DHX34: variants seen among roughly 807,000 people sequenced by gnomAD.
The protein encoded by DHX34 is DExH-box helicase 34.
Under a neutral mutation model 111.1 loss-of-function variants are expected in DHX34, and 96 were observed. The ratio of observed to expected loss-of-function variants is 0.86; its 90% CI spans 0.73 to 1.02. The LOEUF (loss-of-function observed/expected upper bound fraction) is 1.02, where lower values mean the gene tolerates loss of function less well. DHX34 is among the 50% of genes least tolerant of loss of function. The probability of loss-of-function intolerance (pLI) is 0.00; values close to 1 mark genes in which losing one functional copy is unlikely to be tolerated. For synonymous variants in DHX34, 688 were observed against 670.4 expected (o/e 1.03, Z -0.41); for missense variants, 1,560 against 1,579.9 (o/e 0.99, Z 0.21).
chr19:47,375,556 C>G lies in DHX34; in HGVS notation c.2155C>G (p.Arg719Gly), dbSNP rs1379966329. 6.5e-7 allele frequency: 1 copy of G among 1,549,858 alleles called. No homozygotes were observed. The highest frequency in any genetic ancestry group is 8.7e-7 in the Non-Finnish European group (1 of 1,152,408). Residue 719 changes from arginine to glycine, a missense_variant, in exon 10 of 17, where the codon CGG (arginine) becomes GGG (glycine). Transcript: ENST00000328771. The stretch of plus-strand genomic sequence containing the variant: ...TCGGTTGCAGCAGCGCCGGGAGCGC[C>G]GGGCCCTGCACCAGCTGAAACGCCA... ...YSRLQQRRERRALHQLKRQHE... is the reference protein window; with the variant it reads ...YSRLQQRRERGALHQLKRQHE...
Position 47,373,664 on chromosome 19 carries a change from AC to A in DHX34, c.2029del (p.Leu677CysfsTer29). 2 of 1,614,014 alleles carry A rather than the reference AC, an allele frequency of 1.2e-6. No individual in the cohort carries two copies. The highest frequency in any genetic ancestry group is 2.2e-5 in the South Asian group (2 of 91,082). Reference protein sequence around the residue: ...CRRRGIEEHRLYEMANLRRQF... With the variant: ...CRRRGIEEHRXYEMANLRRQF... ...GCCGCCGGGGCATAGAGGAGCATCG[AC>A]TGTACGAAATGGCCAACCTTCGGCG... On this transcript the variant is annotated frameshift_variant, in exon 9 of 17. Transcript: ENST00000328771. LOFTEE classifies it high-confidence loss of function.
chr19:47,377,963 G>C (rs1054594108), intron 13 of DHX34, among the ~76,000 whole-genome samples: 1 of 152,102 alleles, frequency 6.6e-6, no homozygotes, highest in East Asian at 1.9e-4. Flanking sequence ...GCCTGGCCTC[G>C]GAGTCCTCAC....
rs954062121 is a variant in DHX34, at chr19:47,353,187, G to T, written c.157G>T (p.Gly53Cys). 4 of 1,614,194 alleles carry T rather than the reference G, an allele frequency of 2.5e-6. No individual in the cohort carries two copies. The highest frequency in any genetic ancestry group is 3.3e-5 in the Admixed American group (2 of 60,002). ...FFREEDYIRQ[G>C]SEECQKFWTF... ...CCGTGAAGAGGATTACATCCGTCAG[G>T]GTTCTGAGGAATGTCAGAAGTTTTG... Residue 53 changes from glycine to cysteine, a missense_variant, in exon 2 of 17, where the codon GGT becomes TGT. Coordinates refer to ENST00000328771, the MANE Select transcript of DHX34 (RefSeq NM_014681.6). The surrounding 1 kb of genome is among the most constrained non-coding windows in gnomAD (Gnocchi z 4.6).
intron 12 of DHX34, 85 bp downstream of exon 12, chr19:47,376,645 GC>G: frequency 2.0e-6 from 3 of 1,505,260 alleles, no homozygotes; most frequent in South Asian, 1.3e-5. Context: ...TCTGGCTGGG[GC>G]TCCCACACCG....
intron 6 of DHX34, among the ~76,000 whole-genome samples, chr19:47,364,800 G>A (rs772072202): frequency 6.6e-6 from 1 of 152,114 alleles, no homozygotes; most frequent in South Asian, 2.1e-4. Context: ...GAAGAAGGAT[G>A]CAGAGAGAGA....
chr19:47,375,767 G>A, intron 10 of DHX34, 59 bp downstream of exon 10: 16 of 1,364,674 alleles, frequency 1.2e-5, no homozygotes, highest in Admixed American at 5.7e-5. Flanking sequence ...GGCCTCTCCT[G>A]GGGGGGTCCC....
rs200925941 is a variant in DHX34 at position 47,362,504 on chromosome 19, G to A, written c.1404G>A (p.Pro468=). The change falls in exon 6 of 17, where the codon CCG becomes CCA. Residue 468 remains proline (P), a synonymous_variant. Transcript: ENST00000328771. ...AGGTGAAGGAGATGAGCTACGATCCGCAGGCCAAGCTGCAACGGCTGCAGG... is the reference window on the plus strand; with the variant it reads ...AGGTGAAGGAGATGAGCTACGATCCACAGGCCAAGCTGCAACGGCTGCAGG... The part of the protein sequence containing the change: ...SGKVKEMSYD[P]QAKLQRLQEF... 5.8e-5 allele frequency: 92 copies of A among 1,599,752 alleles called. No homozygotes were observed. The East Asian group carries it at 7.5e-4, about 13-fold the overall frequency.
chr19:47,379,916 G>T lies in DHX34; in HGVS notation c.2913G>T (p.Glu971Asp). The T allele has an allele frequency of 1.9e-6, 3 of 1,612,250 alleles. No homozygotes were observed. The highest frequency in any genetic ancestry group is 2.5e-6 in the Non-Finnish European group (3 of 1,178,636). Reference protein sequence around the residue: ...QAQQQLEEEEEDTPVSPKEVA... With the variant: ...QAQQQLEEEEDDTPVSPKEVA... ...AGCAGCAGCTGGAGGAGGAGGAGGA[G>T]GATACGCCAGTCAGCCCCAAGGAGG... The change falls in exon 14 of 17, where the codon GAG becomes GAT. Residue 971 changes from glutamate to aspartate, a missense_variant. Physicochemically the swap from Glu to Asp is conservative, Grantham distance 45 (BLOSUM62 2). Transcript: ENST00000328771.
chr19:47,367,612 C>T (rs1969830846), intron 7 of DHX34, among the ~76,000 whole-genome samples: 1 of 152,004 alleles, frequency 6.6e-6, no homozygotes, highest in African/African-American at 2.4e-5. Flanking sequence ...GAAACATGGC[C>T]GGCACAGTGG....
At chr19:47,355,380 C>T (rs1969428395) in intron 3 of DHX34, 30 bp downstream of exon 3, 1 of 1,599,562 alleles carries the variant, frequency 6.3e-7, no homozygotes, top group Non-Finnish European at 8.6e-7. Context: ...CCCACATCCC[C>T]AGACCTCCAA....
In DHX34 at chr19:47,353,252, G is replaced by T. The variant is rs139215111; in HGVS notation, c.222G>T (p.Lys74Asn). 6.2e-6 allele frequency: 10 copies of T among 1,614,170 alleles called. No individual in the cohort carries two copies. Among genetic ancestry groups the T allele is most frequent in the Non-Finnish European group, 6.8e-6 (8 of 1,180,028 alleles). Residue 74 changes from lysine to asparagine, a missense_variant, in exon 2 of 17, where the codon AAG becomes AAT. By Grantham distance (94) the Lys-to-Asn change is moderately conservative. Coordinates refer to ENST00000328771, the MANE Select transcript of DHX34 (RefSeq NM_014681.6). This position sits in a 1 kb window ranked among gnomAD's most constrained non-coding sequence, Gnocchi z 4.6. ...FERLQRFQNL[K>N]TSRKEEKDPG... The stretch of plus-strand genomic sequence containing the variant: ...GCCTGCAGAGATTCCAGAATCTCAA[G>T]ACCTCCAGGAAGGAGGAGAAAGACC...
rs777759620 is a variant in DHX34, at chr19:47,382,045, G to A, written c.3364G>A (p.Glu1122Lys). ...TGTCCTGCAGAGGCCCTACCACTGC[G>A]AGGCCTGCGGGAAGGACTTCCTCTT... ...TSVLQRPYHC[E>K]ACGKDFLFTP... Residue 1122 changes from glutamate (E) to lysine (K), a missense_variant, in exon 17 of 17, where the codon GAG becomes AAG. Transcript: ENST00000328771. The A allele has an allele frequency of 6.2e-6, 10 of 1,614,148 alleles. No individual in the cohort carries two copies. Among genetic ancestry groups the A allele is most frequent in the Admixed American group, 5.0e-5 (3 of 60,014 alleles).
In DHX34 at chr19:47,355,335, G is replaced by A; in HGVS notation, c.1002G>A (p.Arg334=). 6.2e-7 allele frequency: 1 copy of A among 1,613,064 alleles called. No homozygotes were observed. The highest frequency in any genetic ancestry group is 8.5e-7 in the Non-Finnish European group (1 of 1,179,090). The part of the protein sequence containing the change: ...SNAPVVQVPG[R]LFPITVVYQP... Reference sequence around the variant, plus strand: ...CCCCTGTGGTACAGGTGCCTGGGAGGCTGTTCCCCATCACGGTGAGTACTT... The same window carrying A: ...CCCCTGTGGTACAGGTGCCTGGGAGACTGTTCCCCATCACGGTGAGTACTT... Residue 334 remains arginine, a synonymous_variant, in exon 3 of 17, where the codon AGG becomes AGA. Transcript: ENST00000328771.
At position 47,375,752 on chromosome 19, in the gene DHX34, G is replaced by C. The variant is rs1970129280; in HGVS notation, c.2307+44G>C. The C allele has an allele frequency of 2.6e-6, 4 of 1,558,326 alleles. No individual in the cohort carries two copies. The East Asian group carries it at 9.3e-5, about 36-fold the overall frequency. On this transcript the variant is annotated intron_variant, in intron 10 of 16. Coordinates refer to ENST00000328771, the MANE Select transcript of DHX34 (RefSeq NM_014681.6). ...GGGGTGTGGGGGTTTACCAAGGTGGGCCTTGGCCTCTCCTGGGGGGGTCCC... is the reference window on the plus strand; with the variant it reads ...GGGGTGTGGGGGTTTACCAAGGTGGCCCTTGGCCTCTCCTGGGGGGGTCCC...
At chr19:47,362,267 C>CAA (rs4039582) in intron 5 of DHX34, 17,918 of 263,458 alleles carry the variant, frequency 0.068, 2,290 homozygotes, top group African/African-American at 0.45. Context: ...GACCCTGTCT[C>CAA]AAAAAAAAAA....
rs1568409462 is a variant in DHX34 at position 47,380,933 on chromosome 19, C to T, written c.3100C>T (p.Pro1034Ser). 1 of 1,608,610 alleles carries T rather than the reference C, an allele frequency of 6.2e-7. No individual in the cohort carries two copies. The highest frequency in any genetic ancestry group is 2.2e-5 in the East Asian group (1 of 44,848). Residue 1034 changes from proline (P) to serine (S), a missense_variant, in exon 15 of 17, where the codon CCC becomes TCC. Pro to Ser is a moderately conservative substitution (Grantham distance 74). Coordinates refer to ENST00000328771, the MANE Select transcript of DHX34 (RefSeq NM_014681.6). ...CCTCTTTGGCAGCTCCACCCTGTCCCCCCACCCCACAAAGGGGGGCTACGC... is the reference window on the plus strand; with the variant it reads ...CCTCTTTGGCAGCTCCACCCTGTCCTCCCACCCCACAAAGGGGGGCTACGC... ...PGLFGSSTLS[P>S]HPTKGGYAVT...
intron 15 of DHX34, 92 bp from the exon 16 acceptor site, chr19:47,381,094 C>T: frequency 6.4e-7 from 1 of 1,571,900 alleles, no homozygotes; most frequent in Non-Finnish European, 8.7e-7. Context: ...GGGCCCGTGG[C>T]CCTGAGGGCT....
At position 47,379,879 on chromosome 19, in the gene DHX34, C is replaced by T. The variant is rs201995364; in HGVS notation, c.2876C>T (p.Ala959Val). 368 of 1,613,446 alleles carry T rather than the reference C, an allele frequency of 2.3e-4. 1 individual carries two copies. Among genetic ancestry groups the T allele is most frequent in the Non-Finnish European group, 2.9e-4 (341 of 1,179,694 alleles). ...GAAAGTGCCCTGGACCGGCAGCTGG[C>T]GCACCAGGCCCAGCAGCAGCTGGAG... is the stretch of plus-strand genomic sequence containing the variant. ...RWESALDRQL[A>V]HQAQQQLEEE... is the part of the protein sequence containing the mutation. The change falls in exon 14 of 17, where the codon GCG (alanine) becomes GTG (valine). Residue 959 changes from alanine to valine, a missense_variant. Physicochemically the swap from Ala to Val is moderately conservative, Grantham distance 64. Transcript: ENST00000328771.
Position 47,379,836 on chromosome 19 carries a change from C to T in DHX34, c.2833C>T (p.Arg945Trp), listed in dbSNP as rs146592126. Residue 945 changes from arginine to tryptophan, a missense_variant, in exon 14 of 17, where the codon CGG becomes TGG. Arg to Trp is a moderately radical substitution (Grantham distance 101). Transcript: ENST00000328771. ...CATCCGACTCCTGGCGGCTTCCCTG[C>T]GGCTCCGTGCCCGCTGGGAAAGTGC... Reference protein sequence around the residue: ...SAIRLLAASLRLRARWESALD... With the variant: ...SAIRLLAASLWLRARWESALD... 53 of 1,613,658 alleles carry T rather than the reference C, an allele frequency of 3.3e-5. No individual in the cohort carries two copies. Among genetic ancestry groups the T allele is most frequent in the Middle Eastern group, 3.3e-4 (2 of 6,028 alleles).
Sources: allele counts gnomAD v4.1 joint callset (sites outside exome capture counted in the v4.1 genomes callset), GRCh38; gene constraint gnomAD v4.1.1; non-coding constraint Gnocchi (gnomAD v3.1); transcripts MANE v1.5; gene names NCBI Gene and HGNC (gene_info 2026-07-23, HGNC 2026-07-21).